The following CFAP20DC variants were observed in gnomAD, a reference collection of about 807,000 sequenced individuals.
The protein encoded by CFAP20DC is CFAP20 domain containing, also known as protein CFAP20DC.
A neutral mutation model predicts 101.7 loss-of-function variants in CFAP20DC; 84 were observed. That is an observed-to-expected ratio of 0.83 (90% CI 0.69 to 0.99). The LOEUF is 0.99. Ranked by LOEUF, CFAP20DC falls within the 50% of genes least tolerant of loss-of-function variation. The pLI is 0.00. For missense variants in CFAP20DC, 1,007 were observed against 970.3 expected, an observed-to-expected ratio of 1.04 and a Z score of -0.50; for synonymous variants, 359 against 351.2, an observed-to-expected ratio of 1.02 and a Z score of -0.25.
At chr3:59,010,691 A>G (rs1317272286) in intron 4 of CFAP20DC, among the ~76,000 whole-genome samples, 1 of 152,212 alleles carries the variant, frequency 6.6e-6, no homozygotes, top group African/African-American at 2.4e-5. Flanking sequence ...AACTTAAACT[A>G]TACTCTAGAA....
chr3:58,946,501 G>A (rs943444383), intron 4 of CFAP20DC, among the ~76,000 whole-genome samples: 9 of 151,976 alleles, frequency 5.9e-5, no homozygotes, highest in Non-Finnish European at 1.3e-4. Context: ...TTCTTTTTTG[G>A]CATCTTATAG....
chr3:58,814,658 G>T (rs1273085686), intron 14 of CFAP20DC, among the ~76,000 whole-genome samples: 14 of 150,994 alleles, frequency 9.3e-5, no homozygotes, highest in Non-Finnish European at 1.6e-4. Flanking sequence ...CTTCAGCAAA[G>T]TCTCAGGATA....
intron 4 of CFAP20DC, among the ~76,000 whole-genome samples, chr3:58,942,684 T>C (rs1477169731): frequency 1.3e-5 from 2 of 152,094 alleles, no homozygotes; most frequent in Admixed American, 1.3e-4. Context: ...CAGGAGTCTT[T>C]TTTCGTACCC....
At chr3:58,774,735 G>C (rs952184084) in intron 15 of CFAP20DC, among the ~76,000 whole-genome samples, 1 of 152,148 alleles carries the variant, frequency 6.6e-6, no homozygotes, top group African/African-American at 2.4e-5. Context: ...AATTAAATCT[G>C]CTTATTTTAT....
At chr3:58,943,658 C>T (rs778613145) in intron 4 of CFAP20DC, among the ~76,000 whole-genome samples, 5 of 152,264 alleles carry the variant, frequency 3.3e-5, no homozygotes, top group Non-Finnish European at 7.4e-5. Context: ...AACCAGAACA[C>T]TTCTTTTACT....
At chr3:58,765,775 T>C (rs2070253603) in intron 15 of CFAP20DC, among the ~76,000 whole-genome samples, 1 of 152,198 alleles carries the variant, frequency 6.6e-6, no homozygotes, top group Non-Finnish European at 1.5e-5. Flanking sequence ...CCATACTTAA[T>C]GATATTTATC....
At chr3:59,039,159 A>G (rs567168090) in intron 4 of CFAP20DC, among the ~76,000 whole-genome samples, 21 of 152,208 alleles carry the variant, frequency 1.4e-4, no homozygotes, top group Non-Finnish European at 2.8e-4. Context: ...AGACAAAGTA[A>G]ATATTATTAA....
At position 58,861,661 on chromosome 3, in the gene CFAP20DC, A is replaced by C. The variant is rs1008176925; in HGVS notation, c.1593+1897T>G. The C allele has an allele frequency of 1.0e-6, 1 of 985,302 alleles. No homozygotes were observed. Among genetic ancestry groups the C allele is most frequent in the Non-Finnish European group, 1.2e-6 (1 of 829,932 alleles). The allele number at this position is 985,302 out of a possible 1,614,324, so 61.0% of individuals were successfully genotyped here. On this transcript the variant is annotated intron_variant, in intron 12 of 16. Coordinates refer to ENST00000482387, the MANE Select transcript of CFAP20DC (RefSeq NM_001394063.1). The surrounding 1 kb of genome is among the most constrained non-coding windows in gnomAD (Gnocchi z 4.0). The stretch of plus-strand genomic sequence containing the variant: ...TAGCTTGTATCTCGTTAGTCTCTGT[A>C]CCAGCAAACCCCAAAGCTTGATAAT...
rs1052661451 is a variant in CFAP20DC at position 58,992,994 on chromosome 3, G to A, written c.278+46563C>T. Among the ~76,000 whole-genome samples the A allele has an allele frequency of 2.0e-5, 3 of 152,134 alleles. No homozygotes were observed. In the East Asian group the frequency reaches 5.8e-4, roughly 29 times the overall value. On this transcript the variant is annotated intron_variant, in intron 4 of 16. Transcript: ENST00000482387. ...TTTCAAGAATCTAACTCCTTGTTTT[G>A]GCTTTAAAATGATTTGGCAAGTGAT...
chr3:58,735,079 TA>T (rs1188709568), intron 3 of CFAP20DC, among the ~76,000 whole-genome samples: 1 of 152,204 alleles, frequency 6.6e-6, no homozygotes, highest in Non-Finnish European at 1.5e-5. Context: ...TTAATAATGC[TA>T]AGTCACAAAG....
intron 15 of CFAP20DC, among the ~76,000 whole-genome samples, chr3:58,761,976 A>C (rs1559554088): frequency 6.6e-6 from 1 of 152,092 alleles, no homozygotes; most frequent in Non-Finnish European, 1.5e-5. Context: ...CAATTTTGGA[A>C]TAGGTGTGGT....
chr3:58,947,675 T>C (rs912197160), intron 4 of CFAP20DC, among the ~76,000 whole-genome samples: 1 of 152,244 alleles, frequency 6.6e-6, no homozygotes, highest in Admixed American at 6.5e-5. Flanking sequence ...ATATCTCATA[T>C]ACTTGGCTGT....
chr3:58,970,648 A>T (rs1394231676), intron 4 of CFAP20DC: 2 of 152,166 alleles, frequency 1.3e-5, no homozygotes, highest in Non-Finnish European at 2.9e-5. Context: ...AGTAATTTCC[A>T]CATCATCAGT....
intron 13 of CFAP20DC, among the ~76,000 whole-genome samples, chr3:58,836,738 A>G (rs1474754695): frequency 6.6e-6 from 1 of 152,116 alleles, no homozygotes; most frequent in Non-Finnish European, 1.5e-5. Context: ...TACAAGGACT[A>G]TCGAACAATC....
intron 14 of CFAP20DC, among the ~76,000 whole-genome samples, chr3:58,829,704 C>T (rs1266642166): frequency 6.6e-6 from 1 of 152,120 alleles, no homozygotes; most frequent in Non-Finnish European, 1.5e-5. Flanking sequence ...TTATTTTTGG[C>T]TGTATACTTT....
At chr3:58,806,625 T>A (rs1011549518) in intron 14 of CFAP20DC, among the ~76,000 whole-genome samples, 169 bp from the exon 15 acceptor site, 16 of 152,122 alleles carry the variant, frequency 1.1e-4, no homozygotes, top group Admixed American at 1.0e-3. Context: ...AGTGTACAGC[T>A]CCCAGCGTGA....
chr3:58,720,766 CAACTT>C (rs1271568112), intron 3 of CFAP20DC, among the ~76,000 whole-genome samples: 3 of 152,130 alleles, frequency 2.0e-5, no homozygotes, highest in Non-Finnish European at 2.9e-5. Flanking sequence ...ATATTACATA[CAACTT>C]AATTAGTGTA....
rs1358798017 is a variant in CFAP20DC at position 58,912,029 on chromosome 3, T to TA, written c.550+1678dup. Reference sequence around the variant, plus strand: ...AAGGTTTCAGTTTTCTTTGCTCTTCTAAGTCATTGCTTAATCTTATAAAAT... The same window carrying TA: ...AAGGTTTCAGTTTTCTTTGCTCTTCTAAAGTCATTGCTTAATCTTATAAAAT... On this transcript the variant is annotated intron_variant, in intron 6 of 16. Coordinates refer to ENST00000482387, the MANE Select transcript of CFAP20DC (RefSeq NM_001394063.1). The surrounding 1 kb of genome is among the most constrained non-coding windows in gnomAD (Gnocchi z 4.4). Among the ~76,000 whole-genome samples the TA allele has an allele frequency of 6.6e-6, 1 of 152,182 alleles. No homozygotes were observed. Among genetic ancestry groups the TA allele is most frequent in the African/African-American group, 2.4e-5 (1 of 41,458 alleles).
intron 4 of CFAP20DC, among the ~76,000 whole-genome samples, chr3:58,961,006 T>C (rs1346484980): frequency 6.6e-6 from 1 of 152,194 alleles, no homozygotes; most frequent in African/African-American, 2.4e-5. Flanking sequence ...TGATTATGTG[T>C]TTCTTGTTCT....
Sources: allele counts gnomAD v4.1 joint callset (sites outside exome capture counted in the v4.1 genomes callset), GRCh38; gene constraint gnomAD v4.1.1; non-coding constraint Gnocchi (gnomAD v3.1); transcripts MANE v1.5; gene names NCBI Gene and HGNC (gene_info 2026-07-23, HGNC 2026-07-21).